ASB3: variants seen among roughly 807,000 people sequenced by gnomAD.
ASB3 encodes ankyrin repeat and SOCS box protein 3.
A neutral mutation model predicts 54.5 loss-of-function variants in ASB3; 41 were observed. The ratio of observed to expected loss-of-function variants is 0.75; its 90% CI spans 0.59 to 0.98. The LOEUF is 0.98. Among genes scored for constraint, ASB3 ranks in the 50% least tolerant of loss-of-function variants. The pLI is 0.00. For synonymous variants in ASB3, 266 were observed against 221.2 expected, an observed-to-expected ratio of 1.20 and a Z score of -1.80; for missense variants, 733 against 620.0, an observed-to-expected ratio of 1.18 and a Z score of -1.94.
intron 7 of ASB3, 127 bp downstream of exon 7, chr2:53,714,257 T>C: frequency 8.4e-7 from 1 of 1,190,184 alleles, no homozygotes; most frequent in Admixed American, 2.9e-5. Context: ...TTTTCCTATT[T>C]GTGTTCCAAG....
At chr2:53,771,882 ATTT>A in intron 1 of ASB3, 1 of 1,473,260 alleles carries the variant, frequency 6.8e-7, no homozygotes, top group Non-Finnish European at 9.3e-7. Context: ...ATTCAGAAAA[ATTT>A]TTTTTTACCT....
At chr2:53,741,455 G>A (rs1671930257) in intron 3 of ASB3, among the ~76,000 whole-genome samples, 1 of 152,198 alleles carries the variant, frequency 6.6e-6, no homozygotes, top group South Asian at 2.1e-4. Flanking sequence ...TATTTTAGCT[G>A]ACATTTTCCT....
chr2:53,700,258 T>C lies in ASB3; in HGVS notation c.1238+13A>G, dbSNP rs372786575. 1.9e-6 allele frequency: 3 copies of C among 1,608,438 alleles called. No individual in the cohort carries two copies. In the African/African-American group the frequency reaches 4.0e-5, roughly 22 times the overall value. On this transcript the variant is annotated intron_variant, in intron 8 of 9. Transcript: ENST00000263634. ...TCAAAAAGGGTAAGCCCGACTATGG[T>C]AGAATTTCTTACCAAGAATTGCACA...
chr2:53,688,861 C>T (rs986086277), intron 9 of ASB3, among the ~76,000 whole-genome samples: 1 of 151,882 alleles, frequency 6.6e-6, no homozygotes, highest in African/African-American at 2.4e-5. Flanking sequence ...TGCAGCAAAC[C>T]ACCAGAGCAC....
At chr2:53,721,319 C>A (rs1429208163) in intron 5 of ASB3, among the ~76,000 whole-genome samples, 1 of 149,120 alleles carries the variant, frequency 6.7e-6, no homozygotes, top group South Asian at 2.1e-4. Context: ...TTTTGGGAGG[C>A]CAAGGCAGGC....
chr2:53,687,489 G>A (rs1325192072), intron 9 of ASB3, among the ~76,000 whole-genome samples: 1 of 152,132 alleles, frequency 6.6e-6, no homozygotes, highest in Non-Finnish European at 1.5e-5. Context: ...GCCTCACCCA[G>A]GTGAAAAACA....
At chr2:53,689,763 G>T (rs944062245) in intron 9 of ASB3, among the ~76,000 whole-genome samples, 4 of 152,228 alleles carry the variant, frequency 2.6e-5, no homozygotes, top group African/African-American at 4.8e-5. Context: ...AATGTTCCTG[G>T]AGTACTTACC....
intron 3 of ASB3, among the ~76,000 whole-genome samples, chr2:53,732,977 A>G: frequency 6.6e-6 from 1 of 152,228 alleles, no homozygotes; most frequent in East Asian, 1.9e-4. Flanking sequence ...GGCAGTCATT[A>G]CTTTATACAG....
chr2:53,785,520 G>A (rs1001896837), intron 1 of ASB3, among the ~76,000 whole-genome samples: 1 of 152,052 alleles, frequency 6.6e-6, no homozygotes, highest in Admixed American at 6.5e-5. Context: ...TGTGACCAAA[G>A]ACAGAAACCC....
intron 3 of ASB3, among the ~76,000 whole-genome samples, chr2:53,737,827 T>C (rs1671728589): frequency 6.6e-6 from 1 of 151,126 alleles, no homozygotes; most frequent in Non-Finnish European, 1.5e-5. Flanking sequence ...AATGTGCATA[T>C]AGTATACCCT....
Position 53,718,296 on chromosome 2 carries a change from A to G in ASB3, c.605-1553T>C, listed in dbSNP as rs538515990. ...CAGCTAGAGAAAAACGTCAGATCAC[A>G]TACAAAAGGAACAGTGGACTTCTCA... On this transcript the variant is annotated intron_variant, in intron 5 of 9. Coordinates refer to ENST00000263634, the MANE Select transcript of ASB3 (RefSeq NM_016115.5). Among the ~76,000 whole-genome samples, 3 of 148,460 alleles carry G rather than the reference A, an allele frequency of 2.0e-5. No individual in the cohort carries two copies. The East Asian group carries it at 6.0e-4, about 30-fold the overall frequency.
chr2:53,772,167 T>C (rs1673968640), intron 1 of ASB3, among the ~76,000 whole-genome samples: 1 of 148,030 alleles, frequency 6.8e-6, no homozygotes, highest in Non-Finnish European at 1.5e-5. Flanking sequence ...AAATAGCATG[T>C]AGTTTTCGTT....
chr2:53,775,448 C>G (rs974022137), intron 1 of ASB3, among the ~76,000 whole-genome samples: 9 of 151,970 alleles, frequency 5.9e-5, no homozygotes, highest in Non-Finnish European at 1.2e-4. Context: ...CTGGCAGAAG[C>G]CAAGAACAGG....
intron 3 of ASB3, 136 bp from the exon 4 acceptor site, chr2:53,729,706 T>C (rs1390964562): frequency 1.5e-6 from 1 of 672,088 alleles, no homozygotes. Flanking sequence ...TTATCACAAT[T>C]GTCTTAGCCC....
chr2:53,731,455 G>C (rs186369143), intron 3 of ASB3, among the ~76,000 whole-genome samples: 11 of 152,146 alleles, frequency 7.2e-5, no homozygotes, highest in Admixed American at 2.6e-4. Flanking sequence ...TACTCTGAAG[G>C]GTTTCAGAAA....
intron 5 of ASB3, 49 bp downstream of exon 5, chr2:53,728,663 G>C (rs769657231): frequency 7.0e-7 from 1 of 1,426,752 alleles, no homozygotes; most frequent in South Asian, 1.8e-5. Context: ...AGGAAATATA[G>C]TTTAAAGCTC....
At chr2:53,691,298 T>C (rs1049882759) in intron 9 of ASB3, among the ~76,000 whole-genome samples, 1 of 152,058 alleles carries the variant, frequency 6.6e-6, no homozygotes, top group African/African-American at 2.4e-5. Flanking sequence ...GTACATGGCA[T>C]CTCCAGGACT....
chr2:53,719,717 T>C (rs1670593766), intron 5 of ASB3, among the ~76,000 whole-genome samples: 2 of 152,146 alleles, frequency 1.3e-5, no homozygotes, highest in Admixed American at 6.5e-5. Flanking sequence ...TAAGAGAAAG[T>C]GCTCCTGATC....
At chr2:53,706,829 T>C (rs1204194625) in intron 7 of ASB3, among the ~76,000 whole-genome samples, 1 of 152,220 alleles carries the variant, frequency 6.6e-6, no homozygotes, top group Non-Finnish European at 1.5e-5. Context: ...AAGAGAAATA[T>C]ACTTCTAGTG....
Sources: gnomAD v4.1 joint callset for allele counts (sites outside exome capture counted in the v4.1 genomes callset) on GRCh38, gnomAD v4.1.1 for gene constraint, MANE v1.5 for transcripts, NCBI Gene and HGNC (gene_info 2026-07-23, HGNC 2026-07-21) for gene names.